Variants in TCF12 observed in about 807,000 individuals in gnomAD.
TCF12 encodes the protein transcription factor 12.
In TCF12, 45 loss-of-function variants were observed where a neutral mutation model predicts 86.0. The observed-to-expected ratio is 0.52, with a 90% CI of 0.41 to 0.67. TCF12 has a LOEUF of 0.67. TCF12 is among the 30% of genes least tolerant of loss of function. TCF12 has a pLI of 0.00. For synonymous variants in TCF12, 330 were observed against 299.6 expected, an observed-to-expected ratio of 1.10 and a Z score of -1.05; for missense variants, 881 against 859.9, an observed-to-expected ratio of 1.02 and a Z score of -0.31.
intron 12 of TCF12, among the ~76,000 whole-genome samples, chr15:57,240,879 CAA>C (rs68154303): frequency 2.4e-4 from 16 of 65,694 alleles, no homozygotes; most frequent in Middle Eastern, 0.012. Context: ...GACCCTGTCT[CAA>C]AAAAAAAAAA....
rs572396509 is a variant in TCF12, at chr15:57,118,479, A to G, written c.325+26588A>G. 2.6e-5 allele frequency: 4 copies of G among 151,852 alleles called. No homozygotes were observed. The East Asian group carries it at 7.7e-4, about 29-fold the overall frequency. 9.4% of individuals were successfully genotyped at this position (151,852 alleles called of 1,614,324 possible). On this transcript the variant is annotated intron_variant, in intron 5 of 20. Coordinates refer to ENST00000333725, the MANE Select transcript of TCF12 (RefSeq NM_207037.2). ...ATATCTTTTTTTTTCTTTTTTTGAT[A>G]TACTTTGACATCTTACCAATTTGAT...
chr15:57,072,819 A>T (rs1234650232), intron 4 of TCF12: 4 of 717,374 alleles, frequency 5.6e-6, no homozygotes, highest in Non-Finnish European at 7.5e-6. Flanking sequence ...ATGAGTAAGA[A>T]AAAGGGTGTG....
chr15:57,074,288 T>A (rs2069682223), intron 4 of TCF12, among the ~76,000 whole-genome samples: 1 of 151,458 alleles, frequency 6.6e-6, no homozygotes, highest in African/African-American at 2.4e-5. Flanking sequence ...TATACAGTAT[T>A]TAGCTCATAT....
intron 6 of TCF12, among the ~76,000 whole-genome samples, chr15:57,187,505 G>C (rs2056742568): frequency 6.6e-6 from 1 of 152,118 alleles, no homozygotes; most frequent in Admixed American, 6.6e-5. Flanking sequence ...GATAGCTGAT[G>C]AGCAAAAAAA....
At chr15:57,240,879 C>CAAAAAAAAAAAAAAAAAAAA (rs68154303) in intron 12 of TCF12, among the ~76,000 whole-genome samples, 9 of 65,692 alleles carry the variant, frequency 1.4e-4, no homozygotes, top group African/African-American at 4.8e-4. Context: ...GACCCTGTCT[C>CAAAAAAAAAAAAAAAAAAAA]AAAAAAAAAA....
At chr15:57,093,718 G>C (rs2049139458) in intron 5 of TCF12, among the ~76,000 whole-genome samples, 1 of 152,056 alleles carries the variant, frequency 6.6e-6, no homozygotes, top group Non-Finnish European at 1.5e-5. Context: ...GGTTTCTTTA[G>C]TTTTCAGATA....
intron 12 of TCF12, among the ~76,000 whole-genome samples, chr15:57,237,685 A>C (rs1283750704): frequency 6.6e-6 from 1 of 152,158 alleles, no homozygotes; most frequent in Admixed American, 6.6e-5. Flanking sequence ...TTTTATTCTT[A>C]CCTTCAAACA....
At chr15:57,206,970 G>T (rs1482492808) in intron 8 of TCF12, among the ~76,000 whole-genome samples, 1 of 151,776 alleles carries the variant, frequency 6.6e-6, no homozygotes, top group Non-Finnish European at 1.5e-5. Context: ...ATTGGTCGTG[G>T]TAGTGTGTGC....
chr15:57,094,199 T>C (rs1335742046), intron 5 of TCF12, among the ~76,000 whole-genome samples: 4 of 152,158 alleles, frequency 2.6e-5, no homozygotes, highest in Non-Finnish European at 5.9e-5. Flanking sequence ...AGACCATACG[T>C]TTTATTTGTG....
chr15:57,106,109 A>G (rs2050116658), intron 5 of TCF12, among the ~76,000 whole-genome samples: 2 of 152,236 alleles, frequency 1.3e-5, no homozygotes, highest in South Asian at 2.1e-4. Context: ...TCTCTGAGAT[A>G]CATTAAGTGA....
At chr15:57,198,211 A>G (rs1364934923) in intron 8 of TCF12, among the ~76,000 whole-genome samples, 1 of 152,204 alleles carries the variant, frequency 6.6e-6, no homozygotes, top group Admixed American at 6.5e-5. Context: ...TACATTTGTA[A>G]TAATCCCAAT....
rs375327171 is a variant in TCF12 at position 57,187,193 on chromosome 15, T to A, written c.391-4965T>A. On this transcript the variant is annotated intron_variant, in intron 6 of 20. Transcript: ENST00000333725. ...CTGTCTCCAAAAAAAAAAAAAAGAT[T>A]CTGACAAAATCCAACACTCTTTCAT... 1.7e-3 allele frequency among the ~76,000 whole-genome samples: 251 copies of A among 150,168 alleles called. 1 individual carries two copies. The highest frequency in any genetic ancestry group is 2.5e-3 in the Non-Finnish European group (169 of 67,500).
intron 3 of TCF12, among the ~76,000 whole-genome samples, chr15:56,965,876 G>A (rs1324678867): frequency 1.3e-5 from 2 of 152,252 alleles, no homozygotes; most frequent in East Asian, 3.9e-4. Flanking sequence ...GATAGCATAA[G>A]TTATATTTAT....
chr15:57,022,426 A>G (rs575971331), intron 3 of TCF12, among the ~76,000 whole-genome samples: 261 of 152,264 alleles, frequency 1.7e-3, no homozygotes, highest in African/African-American at 6.1e-3. Flanking sequence ...GTAGTATTCC[A>G]TGGTGTATAT....
At chr15:57,229,029 G>A (rs1474779446) in intron 8 of TCF12, among the ~76,000 whole-genome samples, 2 of 151,906 alleles carry the variant, frequency 1.3e-5, no homozygotes, top group Non-Finnish European at 2.9e-5. Context: ...ATGTGTTCGG[G>A]TGCTGTCTTC....
intron 4 of TCF12, among the ~76,000 whole-genome samples, chr15:57,073,355 T>G (rs1025659828): frequency 6.6e-6 from 1 of 152,238 alleles, no homozygotes; most frequent in African/African-American, 2.4e-5. Flanking sequence ...TTAATATTTT[T>G]TCCCTAAGTT....
At chr15:57,112,101 G>A (rs954253689) in intron 5 of TCF12, among the ~76,000 whole-genome samples, 7 of 152,122 alleles carry the variant, frequency 4.6e-5, no homozygotes, top group East Asian at 1.9e-4. Flanking sequence ...CCCCTCATCC[G>A]TCTTAAGAAG....
At chr15:57,136,022 T>A (rs1022162546) in intron 5 of TCF12, among the ~76,000 whole-genome samples, 3 of 152,198 alleles carry the variant, frequency 2.0e-5, no homozygotes, top group African/African-American at 7.2e-5. Context: ...AGATCTTCAT[T>A]TATCTTCCAC....
intron 8 of TCF12, among the ~76,000 whole-genome samples, chr15:57,227,618 G>A (rs1441544221): frequency 6.6e-6 from 1 of 152,124 alleles, no homozygotes; most frequent in East Asian, 1.9e-4. Context: ...GTTTTCAACA[G>A]ACTTAATAGT....
Sources: allele counts gnomAD v4.1 joint callset (sites outside exome capture counted in the v4.1 genomes callset), GRCh38; gene constraint gnomAD v4.1.1; transcripts MANE v1.5; gene names NCBI Gene and HGNC (gene_info 2026-07-23, HGNC 2026-07-21).